The following DOCK5 variants were observed in gnomAD, a reference collection of about 807,000 sequenced individuals.
DOCK5 encodes the protein dedicator of cytokinesis 5.
Under a neutral mutation model 251.8 loss-of-function variants are expected in DOCK5, and 142 were observed. The ratio of observed to expected loss-of-function variants is 0.56; its 90% CI spans 0.49 to 0.65. The LOEUF (loss-of-function observed/expected upper bound fraction) is 0.65, where lower values mean the gene tolerates loss of function less well. DOCK5 is among the 30% of genes least tolerant of loss of function. DOCK5 has a pLI of 0.00. For missense variants in DOCK5, 2,111 were observed against 2,312.3 expected, an observed-to-expected ratio of 0.91 and a Z score of 1.79; for synonymous variants, 842 against 835.5, an observed-to-expected ratio of 1.01 and a Z score of -0.13.
chr8:25,222,397 G>T (rs989940894), intron 1 of DOCK5, among the ~76,000 whole-genome samples: 2 of 152,132 alleles, frequency 1.3e-5, no homozygotes, highest in African/African-American at 4.8e-5. Context: ...CTTCTAGGCT[G>T]GGGGGATATG....
In DOCK5 at chr8:25,370,230, G is replaced by A. The variant is rs112187078; in HGVS notation, c.3524+589G>A. Among the ~76,000 whole-genome samples the A allele has an allele frequency of 7.1e-3, 1,078 of 152,354 alleles. 10 individuals carry two copies. Among genetic ancestry groups the A allele is most frequent in the African/African-American group, 0.024 (1,012 of 41,580 alleles). Reference sequence around the variant, plus strand: ...CTTGGCACATGTGGAGTAATGAAGAGTGGGAAAGTGATTAAAAACACATAG... The same window carrying A: ...CTTGGCACATGTGGAGTAATGAAGAATGGGAAAGTGATTAAAAACACATAG... On this transcript the variant is annotated intron_variant, in intron 34 of 51. Transcript: ENST00000276440.
intron 1 of DOCK5, among the ~76,000 whole-genome samples, chr8:25,219,350 A>G (rs73673865): frequency 6.6e-6 from 1 of 151,804 alleles, no homozygotes; most frequent in Admixed American, 6.6e-5. Context: ...TTTATTAAAG[A>G]CCTCATCCCT....
At chr8:25,203,507 T>C (rs1012065471) in intron 1 of DOCK5, among the ~76,000 whole-genome samples, 1 of 152,204 alleles carries the variant, frequency 6.6e-6, no homozygotes, top group Non-Finnish European at 1.5e-5. Context: ...CCGTCTTATA[T>C]TTTCTTTCCT....
chr8:25,410,534 T>C (rs1054768201), intron 51 of DOCK5, among the ~76,000 whole-genome samples: 2 of 152,030 alleles, frequency 1.3e-5, no homozygotes, highest in Non-Finnish European at 2.9e-5. Flanking sequence ...CGATCATAGC[T>C]CACTGCAGCC....
chr8:25,252,077 AC>A (rs753185347), intron 2 of DOCK5, among the ~76,000 whole-genome samples: 25 of 152,032 alleles, frequency 1.6e-4, no homozygotes, highest in Non-Finnish European at 2.6e-4. Context: ...GGTAATAGGA[AC>A]CCTGCATTGG....
intron 44 of DOCK5, among the ~76,000 whole-genome samples, chr8:25,394,665 C>T (rs1801316099): frequency 6.6e-6 from 1 of 152,200 alleles, no homozygotes; most frequent in East Asian, 1.9e-4. Context: ...TCAAAAGTCT[C>T]CAAGGAAGTG....
chr8:25,299,982 G>A (rs1804719426), intron 8 of DOCK5, among the ~76,000 whole-genome samples: 1 of 151,802 alleles, frequency 6.6e-6, no homozygotes, highest in African/African-American at 2.4e-5. Flanking sequence ...AGCTCTTGTC[G>A]TACAGGCCCG....
At chr8:25,384,451 A>ATTTTTTTTTTTTTT (rs1311005105) in intron 40 of DOCK5, among the ~76,000 whole-genome samples, 1 of 26,548 alleles carries the variant, frequency 3.8e-5, no homozygotes, top group Non-Finnish European at 1.0e-4. Flanking sequence ...TTATTTATTT[A>ATTTTTTTTTTTTTT]TTTATTTATT....
chr8:25,242,002 G>T (rs140400212), intron 1 of DOCK5, among the ~76,000 whole-genome samples: 1 of 150,934 alleles, frequency 6.6e-6, no homozygotes, highest in Non-Finnish European at 1.5e-5. Context: ...GGGGCCTTTT[G>T]GGGGGTGGGG....
At chr8:25,350,046 G>A (rs1426407972) in intron 26 of DOCK5, among the ~76,000 whole-genome samples, 1 of 152,194 alleles carries the variant, frequency 6.6e-6, no homozygotes, top group African/African-American at 2.4e-5. Context: ...GGGAGATGTT[G>A]ATCAAAGGGT....
Position 25,325,455 on chromosome 8 carries a change from A to C in DOCK5, c.1811A>C (p.Lys604Thr). The C allele has an allele frequency of 6.2e-7, 1 of 1,613,934 alleles. No individual in the cohort carries two copies. Among genetic ancestry groups the C allele is most frequent in the Non-Finnish European group, 8.5e-7 (1 of 1,179,840 alleles). ...GAAGAAAAAGAGCTTCAAGCATCCA[A>C]AAACCTGGTCACCTTCACCCCAAGC... ...EMEEKELQASKNLVTFTPSKD... is the reference protein window; with the variant it reads ...EMEEKELQASTNLVTFTPSKD... The change falls in exon 18 of 52, where the codon AAA becomes ACA. Residue 604 changes from lysine to threonine, a missense_variant. Around this residue, in one of 3 missense-constraint regions of DOCK5, gnomAD observed 1,717 missense variants for 1,892.4 expected, o/e 0.91. Coordinates refer to ENST00000276440, the MANE Select transcript of DOCK5 (RefSeq NM_024940.8).
chr8:25,327,862 T>C (rs1263793299), intron 18 of DOCK5, among the ~76,000 whole-genome samples: 7 of 152,130 alleles, frequency 4.6e-5, no homozygotes, highest in Non-Finnish European at 8.8e-5. Flanking sequence ...ACTTGAAAAT[T>C]GGTAAGAGAG....
At chr8:25,304,507 C>T (rs140215839) in intron 11 of DOCK5, 180 bp downstream of exon 11, 1 of 534,224 alleles carries the variant, frequency 1.9e-6, no homozygotes, top group African/African-American at 2.0e-5. Context: ...TGTTGGACTC[C>T]CATTGAAGAG....
chr8:25,339,560 G>A (rs747399174), intron 22 of DOCK5, among the ~76,000 whole-genome samples: 6 of 152,158 alleles, frequency 3.9e-5, no homozygotes, highest in Non-Finnish European at 8.8e-5. Context: ...AGGAGGAGGT[G>A]GTATCATGTG....
intron 47 of DOCK5, among the ~76,000 whole-genome samples, chr8:25,402,864 C>T (rs1801461794): frequency 1.3e-5 from 2 of 152,150 alleles, no homozygotes; most frequent in South Asian, 2.1e-4. Context: ...GTACAGTTTC[C>T]TCCAGGGTAT....
chr8:25,411,452 A>T lies in DOCK5; in HGVS notation c.*154A>T, dbSNP rs1239973449. The T allele has an allele frequency of 8.9e-7, 1 of 1,118,684 alleles. No individual in the cohort carries two copies. Among genetic ancestry groups the T allele is most frequent in the East Asian group, 3.2e-5 (1 of 30,908 alleles). The allele number at this position is 1,118,684 out of a possible 1,614,324, so 69.3% of individuals were successfully genotyped here. On this transcript the variant is annotated 3_prime_UTR_variant, in exon 52 of 52. Transcript: ENST00000276440. ...AGCCCAAAACCAGTCATGTTCTTCC[A>T]AAAGCTTCTCTTTGATAGAATTTTG...
chr8:25,318,591 T>C (rs1203107129), intron 14 of DOCK5, among the ~76,000 whole-genome samples: 2 of 42,910 alleles, frequency 4.7e-5, no homozygotes, highest in African/African-American at 2.0e-4. Context: ...TTTCTTTCCT[T>C]CTTTTTTTTT....
chr8:25,320,868 C>T (rs1463067852), intron 15 of DOCK5, 112 bp from the exon 16 acceptor site: 3 of 863,684 alleles, frequency 3.5e-6, no homozygotes, highest in Non-Finnish European at 5.5e-6. Context: ...AAATCTCACT[C>T]TCTAGTAATT....
intron 1 of DOCK5, among the ~76,000 whole-genome samples, chr8:25,223,858 C>T (rs1802452925): frequency 6.6e-6 from 1 of 152,150 alleles, no homozygotes; most frequent in Non-Finnish European, 1.5e-5. Context: ...ATGGATGAAG[C>T]ATTGAATTCA....
Sources: gnomAD v4.1 joint callset for allele counts (sites outside exome capture counted in the v4.1 genomes callset) on GRCh38, gnomAD v4.1.1 for gene constraint, gnomAD v4.1.1 regional missense constraint, MANE v1.5 for transcripts, NCBI Gene and HGNC (gene_info 2026-07-23, HGNC 2026-07-21) for gene names.